CHFR: variants seen among roughly 807,000 people sequenced by gnomAD.
CHFR encodes the protein E3 ubiquitin-protein ligase CHFR.
In CHFR, 57 loss-of-function variants were observed where a neutral mutation model predicts 87.6. That is an observed-to-expected ratio of 0.65 (90% confidence interval 0.53 to 0.81). The LOEUF is 0.81. Among genes scored for constraint, CHFR ranks in the 30% least tolerant of loss-of-function variants. The probability of loss-of-function intolerance (pLI) is 0.00; values close to 1 mark genes in which losing one functional copy is unlikely to be tolerated. For missense variants in CHFR, 797 were observed against 865.8 expected (o/e 0.92, Z 1.00); for synonymous variants, 381 against 359.2 (o/e 1.06, Z -0.69).
chr12:132,867,324 G>A (rs1375400781), intron 6 of CHFR: 1 of 152,264 alleles, frequency 6.6e-6, no homozygotes, highest in Admixed American at 6.5e-5. Context: ...TACACAGAGA[G>A]ACATAAAAAC....
intron 6 of CHFR, among the ~76,000 whole-genome samples, chr12:132,864,176 G>GA (rs11376353): frequency 0.26 from 37,939 of 143,416 alleles, 5,304 homozygotes; most frequent in Middle Eastern, 0.42. Flanking sequence ...GTTATTATTT[G>GA]AAAAAAAAAA....
intron 7 of CHFR, among the ~76,000 whole-genome samples, chr12:132,859,512 G>A (rs1041704758): frequency 2.6e-5 from 4 of 152,014 alleles, no homozygotes; most frequent in African/African-American, 7.2e-5. Context: ...CACCACGCCC[G>A]GCTAATTTTG....
intron 2 of CHFR, chr12:132,882,938 G>C (rs1951801847): frequency 6.6e-6 from 1 of 152,124 alleles, no homozygotes; most frequent in Non-Finnish European, 1.5e-5. Flanking sequence ...ATAGGGTCAA[G>C]AGATCCTCCT....
intron 2 of CHFR, among the ~76,000 whole-genome samples, chr12:132,886,184 C>T (rs1482769733): frequency 6.6e-6 from 1 of 152,008 alleles, no homozygotes; most frequent in African/African-American, 2.4e-5. Context: ...TGGTGGCGCA[C>T]GCCTGTAGTC....
intron 12 of CHFR, chr12:132,849,924 T>C (rs1950903355): frequency 6.6e-6 from 1 of 152,140 alleles, no homozygotes; most frequent in Non-Finnish European, 1.5e-5. Flanking sequence ...TTTTCCATGT[T>C]GTCACCTTGG....
In CHFR at chr12:132,841,516, A is replaced by T. The variant is rs1157735470; in HGVS notation, c.*38T>A. On this transcript the variant is annotated 3_prime_UTR_variant, in exon 18 of 18. Transcript: ENST00000450056. ...TGTATTTTAAAAACACGCTCTCTTC[A>T]CCTCCAGTGCTGAAAGCTGCTCAGG... The T allele has an allele frequency of 3.8e-6, 6 of 1,564,246 alleles. No homozygotes were observed. The South Asian group carries it at 5.6e-5, about 14-fold the overall frequency.
At chr12:132,881,725 G>A (rs192336178) in intron 2 of CHFR, among the ~76,000 whole-genome samples, 4 of 152,192 alleles carry the variant, frequency 2.6e-5, no homozygotes, top group Admixed American at 2.0e-4. Flanking sequence ...AAAATTAGCC[G>A]GGCATGGTGG....
intron 5 of CHFR, 108 bp downstream of exon 5, chr12:132,870,616 C>T (rs1449207659): frequency 1.3e-5 from 9 of 700,668 alleles, no homozygotes; most frequent in African/African-American, 8.9e-5. Flanking sequence ...GCTGAGATCG[C>T]GCCACCGCAC....
chr12:132,887,071 T>C lies in CHFR; in HGVS notation c.133+125A>G, dbSNP rs1951912615. Reference sequence around the variant, plus strand: ...GGCAGAACACCGAATAAATACCAGTTCTTACATGACATTTCACTCCACGGA... The same window carrying C: ...GGCAGAACACCGAATAAATACCAGTCCTTACATGACATTTCACTCCACGGA... On this transcript the variant is annotated intron_variant, in intron 2 of 17. Transcript: ENST00000450056. 8 of 767,200 alleles carry C rather than the reference T, an allele frequency of 1.0e-5. No individual in the cohort carries two copies. The South Asian group carries it at 1.5e-4, about 14-fold the overall frequency. The allele number at this position is 767,200 out of a possible 1,614,324, so 47.5% of individuals were successfully genotyped here. A position where few individuals can be genotyped will look rare whatever the true frequency, so the allele number is the denominator to read the frequency against.
At chr12:132,860,452 C>G (rs1354753342) in intron 7 of CHFR, among the ~76,000 whole-genome samples, 1 of 152,086 alleles carries the variant, frequency 6.6e-6, no homozygotes, top group Non-Finnish European at 1.5e-5. Flanking sequence ...GCTTATTTTT[C>G]CTGTGTAACT....
chr12:132,881,768 T>G (rs1951774305), intron 2 of CHFR, among the ~76,000 whole-genome samples: 2 of 150,714 alleles, frequency 1.3e-5, no homozygotes, highest in Non-Finnish European at 2.9e-5. Flanking sequence ...CTCAGGAGGC[T>G]GAGGCAAGAG....
Position 132,837,041 on chromosome 12 carries a change from G to A in CHFR, c.*4513C>T. On this transcript the variant is annotated 3_prime_UTR_variant, in exon 18 of 18. Transcript: ENST00000450056. ...GGCAGCCCTGCAGGAGCTGAATGAG[G>A]AGAGGCTGCAGAGGGAGGGGCTGGT... 2 of 345,434 alleles carry A rather than the reference G, an allele frequency of 5.8e-6. No individual in the cohort carries two copies. Among genetic ancestry groups the A allele is most frequent in the Non-Finnish European group, 1.1e-5 (2 of 176,380 alleles). The allele number at this position is 345,434 out of a possible 1,614,324, so 21.4% of individuals were successfully genotyped here.
In CHFR at chr12:132,870,694, C is replaced by T. The variant is rs780639485; in HGVS notation, c.403+30G>A. 20 of 1,492,764 alleles carry T rather than the reference C, an allele frequency of 1.3e-5. No individual in the cohort carries two copies. In the Admixed American group the frequency reaches 3.2e-4, roughly 24 times the overall value. 92.5% of individuals were successfully genotyped at this position (1,492,764 alleles called of 1,614,324 possible). A position where few individuals can be genotyped will look rare whatever the true frequency, so the allele number is the denominator to read the frequency against. On this transcript the variant is annotated intron_variant, in intron 5 of 17. Coordinates refer to ENST00000450056, the MANE Select transcript of CHFR (RefSeq NM_001161346.2). ...AAGGAATGCTATAGCTCCTAACATG[C>T]ACCCACTTCTTTGCTACACTCTTAC...
At chr12:132,867,673 G>A (rs1951375555) in intron 6 of CHFR, 1 of 152,184 alleles carries the variant, frequency 6.6e-6, no homozygotes, top group African/African-American at 2.4e-5. Context: ...AGCCTAATCT[G>A]AGATTCAGAG....
intron 15 of CHFR, among the ~76,000 whole-genome samples, chr12:132,844,695 G>A (rs1305835055): frequency 6.6e-6 from 1 of 151,342 alleles, no homozygotes; most frequent in Non-Finnish European, 1.5e-5. Flanking sequence ...CAGTGGCGGG[G>A]TCTCAGCTCA....
At chr12:132,877,959 C>T (rs1224337031) in intron 2 of CHFR, among the ~76,000 whole-genome samples, 1 of 152,158 alleles carries the variant, frequency 6.6e-6, no homozygotes, top group African/African-American at 2.4e-5. Flanking sequence ...CCCGCCATCA[C>T]GCCTGGCTAA....
chr12:132,858,722 ATCT>A, intron 8 of CHFR, among the ~76,000 whole-genome samples: 1 of 73,642 alleles, frequency 1.4e-5, no homozygotes, highest in Non-Finnish European at 2.5e-5. Context: ...GCGAGACTCC[ATCT>A]AAAAAAAAAA....
chr12:132,855,977 T>C (rs1232096059), intron 10 of CHFR, among the ~76,000 whole-genome samples: 1 of 152,220 alleles, frequency 6.6e-6, no homozygotes, highest in African/African-American at 2.4e-5. Flanking sequence ...AGGCTGGGAT[T>C]GTCTTGGCCT....
intron 14 of CHFR, 126 bp from the exon 15 acceptor site, chr12:132,847,256 A>T: frequency 2.1e-6 from 3 of 1,457,500 alleles, no homozygotes; most frequent in Non-Finnish European, 2.7e-6. Flanking sequence ...GACCCTTATA[A>T]GTGGCATTTG....
Sources: allele counts gnomAD v4.1 joint callset (sites outside exome capture counted in the v4.1 genomes callset), GRCh38; gene constraint gnomAD v4.1.1; transcripts MANE v1.5; gene names NCBI Gene and HGNC (gene_info 2026-07-23, HGNC 2026-07-21).